ABI2: variants seen among roughly 807,000 people sequenced by gnomAD.
The protein encoded by ABI2 is abelson interactor 2.
In ABI2, 25 loss-of-function variants were observed where a neutral mutation model predicts 59.2. That is an observed-to-expected ratio of 0.42 (90% CI 0.31 to 0.59). ABI2 has a LOEUF of 0.59. Ranked by LOEUF, ABI2 falls within the 20% of genes least tolerant of loss-of-function variation. The probability of loss-of-function intolerance (pLI) is 0.14; values close to 1 mark genes in which losing one functional copy is unlikely to be tolerated. For synonymous variants in ABI2, 213 were observed against 235.5 expected, an observed-to-expected ratio of 0.90 and a Z score of 0.87; for missense variants, 545 against 681.8, an observed-to-expected ratio of 0.80 and a Z score of 2.23.
chr2:203,374,373 A>T (rs193178456), intron 2 of ABI2, among the ~76,000 whole-genome samples: 1 of 151,782 alleles, frequency 6.6e-6, no homozygotes, highest in East Asian at 1.9e-4. Context: ...GGTAGTGGGC[A>T]CCTGTAATCC....
intron 1 of ABI2, among the ~76,000 whole-genome samples, chr2:203,362,563 T>C (rs978749849): frequency 4.6e-5 from 7 of 152,144 alleles, no homozygotes; most frequent in Admixed American, 4.6e-4. Context: ...TCTCACTCTG[T>C]TGCCCAGGCT....
chr2:203,407,758 A>G (rs1477870306), intron 9 of ABI2, among the ~76,000 whole-genome samples: 4 of 152,218 alleles, frequency 2.6e-5, no homozygotes, highest in Non-Finnish European at 4.4e-5. Context: ...GCTAAATGAA[A>G]TGAAAACAAG....
intron 10 of ABI2, among the ~76,000 whole-genome samples, chr2:203,412,103 A>G (rs1044147588): frequency 1.3e-5 from 2 of 152,236 alleles, no homozygotes; most frequent in African/African-American, 4.8e-5. Context: ...TAAAGATCTC[A>G]TGTCATCAGA....
chr2:203,373,151 A>G (rs1482510930), intron 2 of ABI2, among the ~76,000 whole-genome samples: 1 of 152,132 alleles, frequency 6.6e-6, no homozygotes, highest in Non-Finnish European at 1.5e-5. Flanking sequence ...AGATCACGCC[A>G]CTGCACTCCA....
chr2:203,336,563 G>A (rs1355563320), intron 1 of ABI2, among the ~76,000 whole-genome samples: 3 of 152,188 alleles, frequency 2.0e-5, no homozygotes, highest in African/African-American at 4.8e-5. Flanking sequence ...GCTCTCTATT[G>A]TACCCTTTTA....
chr2:203,411,006 T>A (rs923298515), intron 9 of ABI2, among the ~76,000 whole-genome samples: 17 of 150,878 alleles, frequency 1.1e-4, no homozygotes, highest in African/African-American at 3.9e-4. Context: ...GGATTATGTT[T>A]TATATATATA....
At chr2:203,378,511 T>C (rs976663020) in intron 2 of ABI2, among the ~76,000 whole-genome samples, 1 of 152,224 alleles carries the variant, frequency 6.6e-6, no homozygotes, top group Non-Finnish European at 1.5e-5. Flanking sequence ...CTGGAACATA[T>C]AGATCCTGTT....
At chr2:203,349,369 A>G in intron 1 of ABI2, among the ~76,000 whole-genome samples, 1 of 152,062 alleles carries the variant, frequency 6.6e-6, no homozygotes, top group East Asian at 1.9e-4. Context: ...CTAATCCTGA[A>G]GTCTCCATTA....
At chr2:203,382,803 C>G (rs192975061) in intron 4 of ABI2, among the ~76,000 whole-genome samples, 1 of 151,132 alleles carries the variant, frequency 6.6e-6, no homozygotes, top group East Asian at 1.9e-4. Flanking sequence ...TTCTTTTTTC[C>G]AAATAGCTGT....
chr2:203,333,172 A>G (rs983093247), intron 1 of ABI2, among the ~76,000 whole-genome samples: 3 of 152,202 alleles, frequency 2.0e-5, no homozygotes, highest in Non-Finnish European at 4.4e-5. Context: ...AATAAAAATC[A>G]TTAGAATACA....
chr2:203,368,643 G>A (rs1057501980), intron 2 of ABI2, among the ~76,000 whole-genome samples: 1 of 151,896 alleles, frequency 6.6e-6, no homozygotes, highest in African/African-American at 2.4e-5. Flanking sequence ...GCCATTATAA[G>A]GGTTTCTTCA....
intron 2 of ABI2, among the ~76,000 whole-genome samples, chr2:203,377,712 C>T (rs1427789316): frequency 6.6e-6 from 1 of 152,174 alleles, no homozygotes; most frequent in Non-Finnish European, 1.5e-5. Flanking sequence ...TCAAGACCTG[C>T]CTGGGCAACA....
At chr2:203,352,673 T>G (rs184235740) in intron 1 of ABI2, among the ~76,000 whole-genome samples, 1 of 152,336 alleles carries the variant, frequency 6.6e-6, no homozygotes, top group Admixed American at 6.5e-5. Context: ...AGGTAAAAAT[T>G]ACAGTAAAGG....
chr2:203,410,388 CTG>C (rs1427550631), intron 9 of ABI2, among the ~76,000 whole-genome samples: 3 of 152,204 alleles, frequency 2.0e-5, no homozygotes, highest in Non-Finnish European at 2.9e-5. Context: ...CTAAAGGAAA[CTG>C]TAACTGTAGA....
chr2:203,411,878 C>T (rs2097690749), intron 10 of ABI2, among the ~76,000 whole-genome samples: 1 of 152,106 alleles, frequency 6.6e-6, no homozygotes, highest in African/African-American at 2.4e-5. Context: ...TTGTTCATAC[C>T]TTGAGTCTTC....
At position 203,367,027 on chromosome 2, in the gene ABI2, A is replaced by G. The variant is rs752975781; in HGVS notation, c.268A>G (p.Ile90Val). The change falls in exon 2 of 12, where the codon ATC becomes GTC. Residue 90 changes from isoleucine to valine, a missense_variant. Ile to Val is a conservative substitution (Grantham distance 29). Coordinates refer to ENST00000261018, the MANE Select transcript of ABI2 (RefSeq NM_001375670.1). ...ASQLRRMESSINHISQTVDIH... is the reference protein window; with the variant it reads ...ASQLRRMESSVNHISQTVDIH... ...CCAGCTACGAAGGATGGAATCTTCA[A>G]TCAATCATATTTCACAAGTGAGACC... 5.6e-6 allele frequency: 9 copies of G among 1,613,554 alleles called. No homozygotes were observed. Among genetic ancestry groups the G allele is most frequent in the African/African-American group, 2.7e-5 (2 of 74,922 alleles).
At chr2:203,355,372 C>T (rs931603320) in intron 1 of ABI2, 11 of 202,236 alleles carry the variant, frequency 5.4e-5, no homozygotes, top group Non-Finnish European at 8.6e-5. Flanking sequence ...ATTAGCCAGG[C>T]GTGGTGGTGC....
chr2:203,419,594 G>T (rs542292633), intron 11 of ABI2, among the ~76,000 whole-genome samples: 1 of 150,828 alleles, frequency 6.6e-6, no homozygotes, highest in South Asian at 2.1e-4. Flanking sequence ...AGCCAGGATG[G>T]TCTCGATCTC....
At chr2:203,377,453 AAAC>A (rs923938929) in intron 2 of ABI2, among the ~76,000 whole-genome samples, 103 of 152,352 alleles carry the variant, frequency 6.8e-4, no homozygotes, top group African/African-American at 2.4e-3. Context: ...AGGAGAATAA[AAAC>A]AATGTCTTGA....
Sources: gnomAD v4.1 joint callset for allele counts (sites outside exome capture counted in the v4.1 genomes callset) on GRCh38, gnomAD v4.1.1 for gene constraint, MANE v1.5 for transcripts, NCBI Gene and HGNC (gene_info 2026-07-23, HGNC 2026-07-21) for gene names.